Variants in PLPPR1 observed in about 807,000 individuals in gnomAD.
PLPPR1 encodes phospholipid phosphatase-related protein type 1.
Under a neutral mutation model 33.1 loss-of-function variants are expected in PLPPR1, and 10 were observed. That is an observed-to-expected ratio of 0.30 (90% CI 0.19 to 0.51). The LOEUF (loss-of-function observed/expected upper bound fraction) is 0.51, where lower values mean the gene tolerates loss of function less well. PLPPR1 is among the 20% of genes least tolerant of loss of function. PLPPR1 has a pLI of 0.97. For synonymous variants in PLPPR1, 151 were observed against 151.0 expected, an observed-to-expected ratio of 1.00 and a Z score of 0.00; for missense variants, 304 against 408.1, an observed-to-expected ratio of 0.74 and a Z score of 2.20.
chr9:101,194,291 A>C (rs1315146618), intron 2 of PLPPR1, among the ~76,000 whole-genome samples: 2 of 152,228 alleles, frequency 1.3e-5, no homozygotes, highest in African/African-American at 4.8e-5. Context: ...AAAATAAAAT[A>C]ATAAAAGCAT....
intron 2 of PLPPR1, among the ~76,000 whole-genome samples, chr9:101,225,245 G>T (rs1183304937): frequency 1.3e-5 from 2 of 152,144 alleles, no homozygotes; most frequent in African/African-American, 2.4e-5. Flanking sequence ...AATGAATTTT[G>T]CCAGCAATTC....
At chr9:101,314,162 G>A (rs546183949) in intron 6 of PLPPR1, among the ~76,000 whole-genome samples, 50 of 152,256 alleles carry the variant, frequency 3.3e-4, no homozygotes, top group Middle Eastern at 3.4e-3. Flanking sequence ...GCCTCCCCAA[G>A]GAGAAAGAAG....
intron 1 of PLPPR1, chr9:101,125,974 C>T (rs1831242159): frequency 8.0e-6 from 2 of 250,090 alleles, no homozygotes; most frequent in Admixed American, 1.1e-4. Flanking sequence ...AACCATGAAA[C>T]TGAAGCTTCA....
intron 1 of PLPPR1, among the ~76,000 whole-genome samples, chr9:101,146,630 T>A (rs761761891): frequency 1.6e-4 from 24 of 152,212 alleles, no homozygotes; most frequent in Non-Finnish European, 1.9e-4. Flanking sequence ...AAGCACGAAG[T>A]GCAGAAGGAA....
At chr9:101,047,304 C>A (rs1830165353) in intron 1 of PLPPR1, among the ~76,000 whole-genome samples, 1 of 152,166 alleles carries the variant, frequency 6.6e-6, no homozygotes, top group Admixed American at 6.5e-5. Context: ...TGGGAACTCT[C>A]AAGTTTTGAG....
At chr9:101,300,174 T>C (rs1828725972) in intron 4 of PLPPR1, among the ~76,000 whole-genome samples, 1 of 152,076 alleles carries the variant, frequency 6.6e-6, no homozygotes, top group Non-Finnish European at 1.5e-5. Flanking sequence ...GGAAGCAACT[T>C]ACTTATTTTT....
intron 2 of PLPPR1, among the ~76,000 whole-genome samples, chr9:101,219,145 G>A (rs761380279): frequency 1.3e-5 from 2 of 152,174 alleles, no homozygotes; most frequent in African/African-American, 2.4e-5. Context: ...TTAATGCTAC[G>A]GAAGCTTTCT....
At chr9:101,283,818 A>T (rs1032101901) in intron 3 of PLPPR1, among the ~76,000 whole-genome samples, 3 of 152,186 alleles carry the variant, frequency 2.0e-5, no homozygotes, top group Non-Finnish European at 4.4e-5. Context: ...AACCCAATTT[A>T]AAAATGAAGA....
At chr9:101,280,951 A>G (rs1469832000) in intron 3 of PLPPR1, among the ~76,000 whole-genome samples, 1 of 152,036 alleles carries the variant, frequency 6.6e-6, no homozygotes, top group Non-Finnish European at 1.5e-5. Context: ...GAAAGAAGGA[A>G]CATCCAAATT....
intron 2 of PLPPR1, among the ~76,000 whole-genome samples, chr9:101,207,555 G>A (rs1176000383): frequency 6.6e-6 from 1 of 152,120 alleles, no homozygotes; most frequent in East Asian, 1.9e-4. Context: ...GAAGTAAGTT[G>A]GCTAGGGCAG....
intron 7 of PLPPR1, among the ~76,000 whole-genome samples, chr9:101,322,198 C>CA (rs57344415): frequency 0.011 from 311 of 27,674 alleles, 46 homozygotes; most frequent in East Asian, 0.016. Flanking sequence ...GACTTCATCT[C>CA]AAAAAAAAAA....
chr9:101,303,700 T>A (rs1443812045), intron 4 of PLPPR1, among the ~76,000 whole-genome samples: 1 of 152,240 alleles, frequency 6.6e-6, no homozygotes, highest in African/African-American at 2.4e-5. Context: ...GAGTAGCTTT[T>A]CAACATAGAT....
chr9:101,107,817 A>G (rs1393254520), intron 1 of PLPPR1, among the ~76,000 whole-genome samples: 1 of 145,106 alleles, frequency 6.9e-6, no homozygotes, highest in Non-Finnish European at 1.5e-5. Flanking sequence ...TGGGCGTAGG[A>G]CCCTCTCAGC....
At chr9:101,116,759 A>G (rs1245645564) in intron 1 of PLPPR1, among the ~76,000 whole-genome samples, 1 of 151,728 alleles carries the variant, frequency 6.6e-6, no homozygotes, top group African/African-American at 2.4e-5. Flanking sequence ...CAGTGAGCCA[A>G]GATTGCACCA....
chr9:101,287,255 A>T (rs1031947687), intron 4 of PLPPR1, among the ~76,000 whole-genome samples: 3 of 152,220 alleles, frequency 2.0e-5, no homozygotes, highest in African/African-American at 7.2e-5. Context: ...AAGTTTTTGC[A>T]GATTATGCAA....
chr9:101,284,101 C>T (rs953067954), intron 3 of PLPPR1, among the ~76,000 whole-genome samples: 1 of 151,484 alleles, frequency 6.6e-6, no homozygotes, highest in African/African-American at 2.4e-5. Context: ...ATAGAATTGC[C>T]ATTGATCTAG....
intron 1 of PLPPR1, among the ~76,000 whole-genome samples, chr9:101,078,766 T>A (rs1488378703): frequency 6.6e-6 from 1 of 152,242 alleles, no homozygotes; most frequent in Non-Finnish European, 1.5e-5. Flanking sequence ...CTTTTTGCTC[T>A]CCTCTATCTT....
At chr9:101,186,102 C>CCAA (rs1419094962) in intron 2 of PLPPR1, among the ~76,000 whole-genome samples, 1 of 151,782 alleles carries the variant, frequency 6.6e-6, no homozygotes, top group Non-Finnish European at 1.5e-5. Flanking sequence ...TTCAGTTGCT[C>CCAA]CAACTTTGTA....
intron 1 of PLPPR1, among the ~76,000 whole-genome samples, chr9:101,175,856 GAAGT>G (rs938900102): frequency 1.3e-5 from 2 of 152,136 alleles, no homozygotes; most frequent in African/African-American, 4.8e-5. Context: ...TTGAGAAGAT[GAAGT>G]AAGACATACT....
Sources: gnomAD v4.1 joint callset for allele counts (sites outside exome capture counted in the v4.1 genomes callset) on GRCh38, gnomAD v4.1.1 for gene constraint, MANE v1.5 for transcripts, NCBI Gene and HGNC (gene_info 2026-07-23, HGNC 2026-07-21) for gene names.